Variants in SGCZ observed in about 807,000 individuals in gnomAD.
SGCZ encodes sarcoglycan zeta.
Under a neutral mutation model 41.3 loss-of-function variants are expected in SGCZ, and 40 were observed. The observed-to-expected ratio is 0.97, with a 90% CI of 0.75 to 1.26. The LOEUF (loss-of-function observed/expected upper bound fraction) is 1.26. SGCZ is among the 50% of genes most tolerant of loss of function. The pLI is 0.00. For synonymous variants in SGCZ, 206 were observed against 137.5 expected (o/e 1.50, Z -3.49); for missense variants, 552 against 369.8 (o/e 1.49, Z -4.04).
intron 2 of SGCZ, among the ~76,000 whole-genome samples, chr8:14,456,449 G>C (rs201185621): frequency 6.6e-6 from 1 of 152,078 alleles, no homozygotes; most frequent in African/African-American, 2.4e-5. Flanking sequence ...CAGAGGAAAA[G>C]TTCATGACAT....
intron 1 of SGCZ, among the ~76,000 whole-genome samples, chr8:15,004,257 A>G (rs1802522794): frequency 6.6e-6 from 1 of 152,092 alleles, no homozygotes; most frequent in Admixed American, 6.6e-5. Context: ...CTGCTACACA[A>G]CCTTCCTGAG....
chr8:14,315,254 T>C (rs1026641774), intron 3 of SGCZ, among the ~76,000 whole-genome samples: 14 of 152,106 alleles, frequency 9.2e-5, no homozygotes, highest in African/African-American at 3.1e-4. Flanking sequence ...GAAATCAAAT[T>C]CAAATCCAAC....
At chr8:15,086,467 G>A (rs747171495) in intron 1 of SGCZ, among the ~76,000 whole-genome samples, 4 of 152,018 alleles carry the variant, frequency 2.6e-5, no homozygotes, top group African/African-American at 4.8e-5. Flanking sequence ...TATTGAATAT[G>A]TATCTGAACA....
chr8:14,338,863 A>G (rs1286473698), intron 2 of SGCZ, among the ~76,000 whole-genome samples: 6 of 152,082 alleles, frequency 3.9e-5, no homozygotes, highest in African/African-American at 1.4e-4. Context: ...TGTTTTAAGG[A>G]GCAGGTAAGA....
intron 2 of SGCZ, among the ~76,000 whole-genome samples, chr8:14,420,424 T>G (rs1563317742): frequency 6.6e-6 from 1 of 152,116 alleles, no homozygotes; most frequent in Non-Finnish European, 1.5e-5. Flanking sequence ...GCTTTTGTTG[T>G]GGATGTTTAT....
At chr8:14,333,844 G>A (rs1023296541) in intron 2 of SGCZ, among the ~76,000 whole-genome samples, 2 of 152,052 alleles carry the variant, frequency 1.3e-5, no homozygotes, top group Admixed American at 6.5e-5. Flanking sequence ...ATATTTTTTA[G>A]CATGGAGTCT....
chr8:14,903,383 T>G (rs2130763961), intron 1 of SGCZ, among the ~76,000 whole-genome samples: 1 of 152,224 alleles, frequency 6.6e-6, no homozygotes, highest in South Asian at 2.1e-4. Flanking sequence ...TTAAAACAAT[T>G]AATAATTATG....
At chr8:14,200,593 T>C (rs1805422298) in intron 4 of SGCZ, among the ~76,000 whole-genome samples, 1 of 152,124 alleles carries the variant, frequency 6.6e-6, no homozygotes, top group African/African-American at 2.4e-5. Context: ...TGACGCAATT[T>C]AAAAGAGGTG....
At chr8:14,292,361 G>C (rs1343376588) in intron 3 of SGCZ, among the ~76,000 whole-genome samples, 1 of 151,974 alleles carries the variant, frequency 6.6e-6, no homozygotes, top group Admixed American at 6.6e-5. Flanking sequence ...GAAGGATGTA[G>C]CTCCTGAGAC....
At chr8:14,468,765 C>T (rs1801125945) in intron 2 of SGCZ, among the ~76,000 whole-genome samples, 3 of 152,036 alleles carry the variant, frequency 2.0e-5, no homozygotes, top group Non-Finnish European at 4.4e-5. Context: ...AGTAACTCTC[C>T]ATAAAATTAG....
intron 1 of SGCZ, among the ~76,000 whole-genome samples, chr8:14,751,462 A>G (rs902243753): frequency 6.6e-6 from 1 of 152,202 alleles, no homozygotes; most frequent in Non-Finnish European, 1.5e-5. Context: ...GATACTGAAC[A>G]CAATGTTAAA....
intron 1 of SGCZ, among the ~76,000 whole-genome samples, chr8:14,972,343 A>T (rs1801327236): frequency 6.6e-6 from 1 of 151,932 alleles, no homozygotes; most frequent in Non-Finnish European, 1.5e-5. Context: ...ATAGCTGTTT[A>T]TTAGTTGATT....
chr8:14,918,298 G>A (rs1352187072), intron 1 of SGCZ, among the ~76,000 whole-genome samples: 2 of 151,940 alleles, frequency 1.3e-5, no homozygotes, highest in Non-Finnish European at 2.9e-5. Context: ...CTAGTTCTCA[G>A]AACTAGGTCC....
At chr8:14,196,285 C>T (rs1377588391) in intron 4 of SGCZ, among the ~76,000 whole-genome samples, 1 of 145,420 alleles carries the variant, frequency 6.9e-6, no homozygotes, top group East Asian at 2.0e-4. Flanking sequence ...TTTTTAAAGA[C>T]GGAGTTTCGC....
At chr8:14,370,819 A>G (rs1476384601) in intron 2 of SGCZ, among the ~76,000 whole-genome samples, 1 of 151,916 alleles carries the variant, frequency 6.6e-6, no homozygotes, top group Non-Finnish European at 1.5e-5. Context: ...TAAAACTCAT[A>G]GTTTTTGGTA....
At chr8:14,208,936 C>T (rs1411131599) in intron 4 of SGCZ, among the ~76,000 whole-genome samples, 1 of 152,114 alleles carries the variant, frequency 6.6e-6, no homozygotes, top group Non-Finnish European at 1.5e-5. Flanking sequence ...CCATTTCTAA[C>T]AAAAAGCAGC....
At chr8:14,494,533 G>T (rs75068931) in intron 2 of SGCZ, among the ~76,000 whole-genome samples, 1 of 151,712 alleles carries the variant, frequency 6.6e-6, no homozygotes, top group Non-Finnish European at 1.5e-5. Flanking sequence ...ACACAAACAC[G>T]CACACCACAC....
chr8:15,231,135 G>A (rs1339480049), intron 1 of SGCZ, among the ~76,000 whole-genome samples: 4 of 152,142 alleles, frequency 2.6e-5, no homozygotes, highest in African/African-American at 9.7e-5. Context: ...TTTAGCGTGG[G>A]GTGACTGTTG....
intron 2 of SGCZ, among the ~76,000 whole-genome samples, chr8:14,509,490 T>G (rs146200309): frequency 1.1e-4 from 16 of 152,318 alleles, no homozygotes; most frequent in African/African-American, 3.8e-4. Context: ...TTATATTAAC[T>G]GATTAATCTG....
Sources: gnomAD v4.1 joint callset for allele counts (sites outside exome capture counted in the v4.1 genomes callset) on GRCh38, gnomAD v4.1.1 for gene constraint, MANE v1.5 for transcripts, NCBI Gene and HGNC (gene_info 2026-07-23, HGNC 2026-07-21) for gene names.